The following PRKN variants were observed in gnomAD, a reference collection of about 807,000 sequenced individuals.
PRKN encodes the protein parkin RBR E3 ubiquitin protein ligase.
PRKN carries 56 observed loss-of-function variants against 59.5 expected under a neutral mutation model. That is an observed-to-expected ratio of 0.94 (90% CI 0.76 to 1.18). The LOEUF is 1.18. PRKN is among the 50% of genes most tolerant of loss of function. The pLI, the probability that PRKN is intolerant of heterozygous loss-of-function variation, is 0.00. For synonymous variants in PRKN, 250 were observed against 222.1 expected (o/e 1.13, Z -1.12); for missense variants, 657 against 596.4 (o/e 1.10, Z -1.06).
intron 3 of PRKN, among the ~76,000 whole-genome samples, chr6:162,243,475 C>G (rs186097937): frequency 6.6e-6 from 1 of 151,968 alleles, no homozygotes; most frequent in Non-Finnish European, 1.5e-5. Flanking sequence ...GGTTTTAACA[C>G]AGGTTGATCA....
chr6:161,610,877 G>A (rs1223921369), intron 7 of PRKN, among the ~76,000 whole-genome samples: 2 of 152,082 alleles, frequency 1.3e-5, no homozygotes, highest in Non-Finnish European at 1.5e-5. Context: ...GGAGAGGGGT[G>A]GTCACAAGGT....
intron 6 of PRKN, among the ~76,000 whole-genome samples, chr6:161,814,359 T>C (rs1791680520): frequency 6.6e-6 from 1 of 152,194 alleles, no homozygotes; most frequent in Admixed American, 6.5e-5. Flanking sequence ...AGAGACACAG[T>C]GTATTCGTCC....
intron 4 of PRKN, among the ~76,000 whole-genome samples, chr6:162,093,391 T>C (rs1416042157): frequency 6.6e-6 from 1 of 152,176 alleles, no homozygotes; most frequent in East Asian, 1.9e-4. Flanking sequence ...TCCTGCACTT[T>C]CTTCTCCTGT....
intron 3 of PRKN, 71 bp from the exon 4 acceptor site, chr6:162,201,323 G>T: frequency 2.0e-6 from 3 of 1,506,458 alleles, no homozygotes; most frequent in South Asian, 2.3e-5. Context: ...CTCTTTAAAA[G>T]CTTGTTAGAG....
intron 3 of PRKN, among the ~76,000 whole-genome samples, chr6:162,230,970 G>A (rs780973890): frequency 2.6e-5 from 4 of 152,200 alleles, no homozygotes; most frequent in African/African-American, 9.6e-5. Context: ...TCTCCCCAAT[G>A]TGATGTAAAT....
intron 5 of PRKN, among the ~76,000 whole-genome samples, chr6:162,047,315 C>A (rs1323355590): frequency 6.6e-6 from 1 of 152,088 alleles, no homozygotes; most frequent in African/African-American, 2.4e-5. Context: ...CAGTGGGACC[C>A]CTCAAAGCCA....
intron 4 of PRKN, among the ~76,000 whole-genome samples, chr6:162,195,672 A>G (rs1784461598): frequency 6.6e-6 from 1 of 152,026 alleles, no homozygotes; most frequent in South Asian, 2.1e-4. Flanking sequence ...TCTTTTTGAG[A>G]TAAAGTAATT....
intron 4 of PRKN, among the ~76,000 whole-genome samples, chr6:162,196,270 C>G (rs1033829075): frequency 6.6e-6 from 1 of 151,980 alleles, no homozygotes. Flanking sequence ...CCTTACCAGC[C>G]CAGTCAAAAT....
chr6:161,393,927 CATGAAGCACACAT>C lies in PRKN; in HGVS notation c.1084-7063_1084-7051del. On this transcript the variant is annotated intron_variant, in intron 9 of 11. Transcript: ENST00000366898. This position sits in a 1 kb window ranked among gnomAD's most constrained non-coding sequence, Gnocchi z 4.7. ...CTAGAGTCAAGGCAAACATCAAAGG[CATGAAGCACACAT>C]TTGTACTTCTTTGGGAATAGATGAA... Among the ~76,000 whole-genome samples, 1 of 152,098 alleles carries C rather than the reference CATGAAGCACACAT, an allele frequency of 6.6e-6. No homozygotes were observed.
At chr6:162,526,031 T>A (rs1025415737) in intron 1 of PRKN, among the ~76,000 whole-genome samples, 1 of 151,994 alleles carries the variant, frequency 6.6e-6, no homozygotes, top group Non-Finnish European at 1.5e-5. Context: ...CTTGTAAAGC[T>A]GGGGTTTCAC....
chr6:162,401,480 G>C (rs1249917554), intron 2 of PRKN, among the ~76,000 whole-genome samples: 1 of 152,008 alleles, frequency 6.6e-6, no homozygotes, highest in East Asian at 1.9e-4. Flanking sequence ...CCTACAGCTG[G>C]GCAAAATCAT....
intron 6 of PRKN, among the ~76,000 whole-genome samples, chr6:161,810,090 T>C (rs138613833): frequency 6.6e-6 from 1 of 152,276 alleles, no homozygotes; most frequent in Non-Finnish European, 1.5e-5. Flanking sequence ...GTGATTATAG[T>C]TGGAGATGGG....
chr6:162,470,907 C>T (rs555259774), intron 1 of PRKN, among the ~76,000 whole-genome samples: 51 of 151,696 alleles, frequency 3.4e-4, no homozygotes, highest in African/African-American at 1.2e-3. Flanking sequence ...CAGGTGTGCG[C>T]CACCATGCCT....
In PRKN at chr6:161,457,935, T is replaced by C. The variant is rs922842213; in HGVS notation, c.1084-71058A>G. 2.0e-5 allele frequency among the ~76,000 whole-genome samples: 3 copies of C among 152,166 alleles called. No homozygotes were observed. The highest frequency in any genetic ancestry group is 7.2e-5 in the African/African-American group (3 of 41,424). ...TCAAAAGACCTGCAGAAAAGGTGAT[T>C]TGGTGTTTCAAGGGTTGTGGGCTTT... On this transcript the variant is annotated intron_variant, in intron 9 of 11. Coordinates refer to ENST00000366898, the MANE Select transcript of PRKN (RefSeq NM_004562.3). The surrounding 1 kb of genome is among the most constrained non-coding windows in gnomAD (Gnocchi z 5.0).
chr6:161,381,869 T>G (rs1370635773), intron 10 of PRKN, among the ~76,000 whole-genome samples: 1 of 151,752 alleles, frequency 6.6e-6, no homozygotes, highest in Non-Finnish European at 1.5e-5. Flanking sequence ...TCCCAGCACT[T>G]CGGGAGGCCA....
intron 9 of PRKN, among the ~76,000 whole-genome samples, chr6:161,501,901 A>G (rs1230772156): frequency 6.6e-6 from 1 of 152,156 alleles, no homozygotes; most frequent in East Asian, 1.9e-4. Flanking sequence ...TAACACCAAG[A>G]TATGAAGATA....
rs1172539602 is a variant in PRKN, at chr6:161,484,687, T to C, written c.1083+64167A>G. Among the ~76,000 whole-genome samples the C allele has an allele frequency of 1.3e-5, 2 of 152,150 alleles. No individual in the cohort carries two copies. Among genetic ancestry groups the C allele is most frequent in the East Asian group, 1.9e-4 (1 of 5,184 alleles). On this transcript the variant is annotated intron_variant, in intron 9 of 11. Coordinates refer to ENST00000366898, the MANE Select transcript of PRKN (RefSeq NM_004562.3). The surrounding 1 kb of genome is among the most constrained non-coding windows in gnomAD (Gnocchi z 4.9). ...AGACCAGGCCATTCTCACGGGCCCG[T>C]TGTGGGCACTGCATGGTGTTTGGCA...
At chr6:162,718,003 A>G (rs1778792983) in intron 1 of PRKN, among the ~76,000 whole-genome samples, 1 of 152,216 alleles carries the variant, frequency 6.6e-6, no homozygotes, top group African/African-American at 2.4e-5. Context: ...CCCACAACCC[A>G]AAGATATAAT....
intron 1 of PRKN, among the ~76,000 whole-genome samples, chr6:162,564,680 C>T (rs925738983): frequency 2.6e-5 from 4 of 152,068 alleles, no homozygotes; most frequent in Non-Finnish European, 5.9e-5. Context: ...ACCTTACAGG[C>T]TAGGAGAGAA....
Sources: allele counts gnomAD v4.1 joint callset (sites outside exome capture counted in the v4.1 genomes callset), GRCh38; gene constraint gnomAD v4.1.1; non-coding constraint Gnocchi (gnomAD v3.1); transcripts MANE v1.5; gene names NCBI Gene and HGNC (gene_info 2026-07-23, HGNC 2026-07-21).